The following HPS3 variants were observed in gnomAD, a reference collection of about 807,000 sequenced individuals.
HPS3 encodes BLOC-2 complex member HPS3.
In HPS3, 79 loss-of-function variants were observed where a neutral mutation model predicts 110.9. That is an observed-to-expected ratio of 0.71 (90% CI 0.59 to 0.86). The LOEUF (loss-of-function observed/expected upper bound fraction) is 0.86, where lower values mean the gene tolerates loss of function less well. HPS3 is among the 40% of genes least tolerant of loss of function. HPS3 has a pLI of 0.00. For synonymous variants in HPS3, 428 were observed against 451.0 expected, an observed-to-expected ratio of 0.95 and a Z score of 0.65; for missense variants, 1,197 against 1,206.2, an observed-to-expected ratio of 0.99 and a Z score of 0.11.
chr3:149,143,777 G>A (rs1261485054), intron 4 of HPS3, among the ~76,000 whole-genome samples: 1 of 152,168 alleles, frequency 6.6e-6, no homozygotes, highest in African/African-American at 2.4e-5. Context: ...GAAAAAAACT[G>A]GACAGTTGAC....
At chr3:149,171,675 C>T (rs1486226759) in intron 16 of HPS3, among the ~76,000 whole-genome samples, 1 of 147,868 alleles carries the variant, frequency 6.8e-6, no homozygotes, top group Non-Finnish European at 1.5e-5. Context: ...GAAGTTATAA[C>T]ATTTTGTTAC....
In HPS3 at chr3:149,129,957, G is replaced by A; in HGVS notation, c.217+17G>A. The stretch of plus-strand genomic sequence containing the variant: ...GCGAGGCTGGTGAGTAATCTAGAGA[G>A]CCAGGGGCCGCCTGGGGTCCAGCTT... On this transcript the variant is annotated intron_variant, in intron 1 of 16. Transcript: ENST00000296051. 1 of 1,534,234 alleles carries A rather than the reference G, an allele frequency of 6.5e-7. No individual in the cohort carries two copies.
intron 1 of HPS3, 40 bp from the exon 2 acceptor site, chr3:149,139,964 C>A (rs1354827251): frequency 6.3e-7 from 1 of 1,581,778 alleles, no homozygotes; most frequent in Admixed American, 1.7e-5. Flanking sequence ...GGTTGTATTT[C>A]TAATTACAAA....
chr3:149,140,354 G>A lies in HPS3; in HGVS notation c.568G>A (p.Glu190Lys). The change falls in exon 2 of 17, where the codon GAG becomes AAG. Residue 190 changes from glutamate (E) to lysine (K), a missense_variant. Glu to Lys is a moderately conservative substitution (Grantham distance 56). Transcript: ENST00000296051. ...IIHIDNITPV[E>K]VSFCVGYVAV... ...ACACATAGATAATATCACTCCTGTTGAGGTTTCTTTTTGTGTTGGATATGT... is the reference window on the plus strand; with the variant it reads ...ACACATAGATAATATCACTCCTGTTAAGGTTTCTTTTTGTGTTGGATATGT... 1.2e-6 allele frequency: 2 copies of A among 1,611,010 alleles called. No individual in the cohort carries two copies. Among genetic ancestry groups the A allele is most frequent in the Non-Finnish European group, 1.7e-6 (2 of 1,178,102 alleles).
In HPS3 at chr3:149,162,294, C is replaced by G. The variant is rs768624877; in HGVS notation, c.2253C>G (p.Asn751Lys). The change falls in exon 12 of 17, where the codon AAC (asparagine) becomes AAG (lysine). Residue 751 changes from asparagine to lysine, a missense_variant. Coordinates refer to ENST00000296051, the MANE Select transcript of HPS3 (RefSeq NM_032383.5). ...CTTCAGTTCTGGGCTTGCAGAAGAA[C>G]AACAAAATTGGAATTGAAGAAGCAG... ...LVASVLGLQK[N>K]NKIGIEEADS... is the part of the protein sequence containing the mutation. The G allele has an allele frequency of 6.2e-7, 1 of 1,613,872 alleles. No individual in the cohort carries two copies. The highest frequency in any genetic ancestry group is 1.3e-5 in the African/African-American group (1 of 74,966).
At chr3:149,130,014 G>T in intron 1 of HPS3, 74 bp downstream of exon 1, 1 of 1,372,034 alleles carries the variant, frequency 7.3e-7, no homozygotes, top group Non-Finnish European at 9.9e-7. Context: ...CGAACGTCTG[G>T]GCTGTAGCTC....
intron 5 of HPS3, among the ~76,000 whole-genome samples, chr3:149,148,381 G>A: frequency 6.8e-6 from 1 of 148,146 alleles, no homozygotes; most frequent in South Asian, 2.2e-4. Context: ...TATTCTCCCA[G>A]AGTTAAGCAT....
chr3:149,160,499 C>A (rs1336098606), intron 11 of HPS3, among the ~76,000 whole-genome samples: 1 of 152,184 alleles, frequency 6.6e-6, no homozygotes, highest in Non-Finnish European at 1.5e-5. Context: ...AAGACTTCAA[C>A]TTAGTGTCAA....
chr3:149,163,510 G>T (rs1382557330), intron 13 of HPS3, among the ~76,000 whole-genome samples: 2 of 152,142 alleles, frequency 1.3e-5, no homozygotes, highest in Non-Finnish European at 2.9e-5. Context: ...AAGATATTTT[G>T]CCTTCTAAAG....
chr3:149,137,736 A>G (rs1168986419), intron 1 of HPS3, among the ~76,000 whole-genome samples: 2 of 152,184 alleles, frequency 1.3e-5, no homozygotes, highest in Non-Finnish European at 2.9e-5. Context: ...AAAATACTAT[A>G]TGGTTCAACT....
chr3:149,154,706 A>G (rs1186116921), intron 7 of HPS3, among the ~76,000 whole-genome samples: 1 of 152,226 alleles, frequency 6.6e-6, no homozygotes, highest in Non-Finnish European at 1.5e-5. Context: ...CTCAGCAGCC[A>G]TGATGTTGCT....
At chr3:149,137,402 A>G (rs1722174980) in intron 1 of HPS3, among the ~76,000 whole-genome samples, 1 of 152,228 alleles carries the variant, frequency 6.6e-6, no homozygotes, top group South Asian at 2.1e-4. Context: ...GCCTATGTGG[A>G]AAACAATATG....
chr3:149,149,206 G>A lies in HPS3; in HGVS notation c.1164-1393G>A, dbSNP rs1722960414. ...TCTCGATCTCCTGACCTCATGATCC[G>A]CCTGTCTCGGCCTCCCAAAATGCTG... On this transcript the variant is annotated intron_variant, in intron 5 of 16. Coordinates refer to ENST00000296051, the MANE Select transcript of HPS3 (RefSeq NM_032383.5). 4.0e-5 allele frequency among the ~76,000 whole-genome samples: 6 copies of A among 149,852 alleles called. No homozygotes were observed. In the South Asian group the frequency reaches 1.3e-3, roughly 32 times the overall value.
chr3:149,156,139 T>G (rs1413745903), intron 8 of HPS3, among the ~76,000 whole-genome samples: 3 of 152,256 alleles, frequency 2.0e-5, no homozygotes, highest in Admixed American at 2.0e-4. Flanking sequence ...CTCTCTTTTA[T>G]GCACTCTGTG....
intron 14 of HPS3, chr3:149,165,982 A>T (rs1346062353): frequency 6.6e-6 from 3 of 456,032 alleles, no homozygotes; most frequent in African/African-American, 6.0e-5. Flanking sequence ...GATATTTGGA[A>T]TAAAATAATC....
intron 12 of HPS3, 166 bp downstream of exon 12, chr3:149,162,499 G>A: frequency 1.1e-6 from 1 of 907,956 alleles, no homozygotes; most frequent in Non-Finnish European, 1.7e-6. Flanking sequence ...TATATCTGTA[G>A]AAACTTTATT....
At chr3:149,158,354 G>A (rs1723582180) in intron 9 of HPS3, among the ~76,000 whole-genome samples, 1 of 152,188 alleles carries the variant, frequency 6.6e-6, no homozygotes, top group Non-Finnish European at 1.5e-5. Flanking sequence ...AAAAGAAACT[G>A]CATTAATTAG....
intron 11 of HPS3, among the ~76,000 whole-genome samples, 154 bp downstream of exon 11, chr3:149,160,433 C>T (rs1295627045): frequency 3.9e-5 from 6 of 152,270 alleles, no homozygotes; most frequent in South Asian, 2.1e-4. Context: ...AATGGGACTT[C>T]GGATCTGGCA....
intron 16 of HPS3, among the ~76,000 whole-genome samples, chr3:149,171,848 G>GT (rs1426070773): frequency 1.3e-5 from 2 of 152,012 alleles, no homozygotes; most frequent in African/African-American, 2.4e-5. Flanking sequence ...AGGATTACAG[G>GT]TGTGCGCCAC....
Sources: allele counts gnomAD v4.1 joint callset (sites outside exome capture counted in the v4.1 genomes callset), GRCh38; gene constraint gnomAD v4.1.1; transcripts MANE v1.5; gene names NCBI Gene and HGNC (gene_info 2026-07-23, HGNC 2026-07-21).